ZFX: variants seen among roughly 807,000 people sequenced by gnomAD.
ZFX encodes zinc finger X-chromosomal protein.
For synonymous variants in ZFX, 196 were observed against 226.8 expected, an observed-to-expected ratio of 0.86 and a Z score of 1.22; for missense variants, 362 against 628.3, an observed-to-expected ratio of 0.58 and a Z score of 4.53.
intron 3 of ZFX, among the ~76,000 whole-genome samples, chrX:24,168,965 A>G (rs1180477585): frequency 9.0e-6 from 1 of 110,710 alleles, no homozygotes; most frequent in Non-Finnish European, 1.9e-5. Flanking sequence ...AGGCATGGAC[A>G]CCGCCAGTTA....
intron 5 of ZFX, among the ~76,000 whole-genome samples, 180 bp downstream of exon 5, chrX:24,179,950 G>C (rs769619359): frequency 9.0e-6 from 1 of 111,687 alleles, no homozygotes; most frequent in Non-Finnish European, 1.9e-5. Context: ...AAGTGAGGCC[G>C]GGTGTGGTGG....
chrX:24,172,150 A>AG (rs1388472857), intron 3 of ZFX, among the ~76,000 whole-genome samples: 28 of 112,160 alleles, frequency 2.5e-4, no homozygotes, highest in African/African-American at 8.4e-4. Flanking sequence ...CAGAATCCCA[A>AG]GGGTTGTTTA....
At chrX:24,154,479 T>C (rs1354290510) in intron 3 of ZFX, among the ~76,000 whole-genome samples, 1 of 112,424 alleles carries the variant, frequency 8.9e-6, no homozygotes, top group East Asian at 2.8e-4. Context: ...GTAATGTGTT[T>C]AGTCCAGCAG....
At chrX:24,199,765 A>C (rs1482304975) in intron 5 of ZFX, among the ~76,000 whole-genome samples, 1 of 109,831 alleles carries the variant, frequency 9.1e-6, no homozygotes, top group African/African-American at 3.3e-5. Flanking sequence ...TAAAAATACA[A>C]AATTAGCCAG....
At position 24,214,978 on chromosome X, in the gene ZFX, CAAA is replaced by C. The variant is rs1938362353; in HGVS notation, c.*3604_*3606del. ...CGGCAGTTAAGTAAATGTCAGGAGT[CAAA>C]AGAGATAGAGTTGTGCCATCTTTGA... On this transcript the variant is annotated 3_prime_UTR_variant, in exon 10 of 10. Transcript: ENST00000304543. The C allele has an allele frequency of 5.4e-5, 6 of 110,136 alleles. No homozygotes were observed. Among genetic ancestry groups the C allele is most frequent in the Non-Finnish European group, 9.4e-5 (5 of 53,145 alleles). The allele number at this position is 110,136 out of a possible 1,213,427, so 9.1% of individuals were successfully genotyped here.
At chrX:24,206,530 TG>T in intron 5 of ZFX, among the ~76,000 whole-genome samples, 1 of 97,699 alleles carries the variant, frequency 1.0e-5, no homozygotes, top group African/African-American at 4.0e-5. Flanking sequence ...TGTGTGTGTG[TG>T]TGTGTGTGTG....
intron 3 of ZFX, among the ~76,000 whole-genome samples, chrX:24,163,364 GTTTTTTTTT>G (rs66467960): frequency 3.7e-4 from 7 of 19,056 alleles, no homozygotes; most frequent in East Asian, 1.8e-3. Context: ...TTTTTGTTAG[GTTTTTTTTT>G]TTTTTTTTTT....
Position 24,212,771 on chromosome X carries a change from A to AACTT in ZFX, c.*1397_*1400dup, listed in dbSNP as rs1938185278. 8.9e-6 allele frequency: 1 copy of AACTT among 112,848 alleles called. No homozygotes were observed. The allele number at this position is 112,848 out of a possible 1,213,427, so 9.3% of individuals were successfully genotyped here. On this transcript the variant is annotated 3_prime_UTR_variant, in exon 10 of 10. Coordinates refer to ENST00000304543, the MANE Select transcript of ZFX (RefSeq NM_003410.4). ...TCAGTTACAGTTAGCAAACTTTAAAAACTTAACACTCAAGTTGGCTTTGAT... is the reference window on the plus strand; with the variant it reads ...TCAGTTACAGTTAGCAAACTTTAAAAACTTACTTAACACTCAAGTTGGCTTTGAT...
rs772352517 is a variant in ZFX, at chrX:24,179,424, A to G, written c.300A>G (p.Ser100=). 4.1e-6 allele frequency: 5 copies of G among 1,211,159 alleles called. No homozygotes were observed. Among genetic ancestry groups the G allele is most frequent in the Admixed American group, 2.2e-5 (1 of 45,842 alleles). The stretch of plus-strand genomic sequence containing the variant: ...TCATTCCTGAGCAAGTGCTGGACTC[A>G]GATGTAACTGAAGAAGTTTCTTTAG... The part of the protein sequence containing the change: ...TVIIPEQVLD[S]DVTEEVSLAH... Residue 100 remains serine, a synonymous_variant, in exon 5 of 10, where the codon TCA becomes TCG. Transcript: ENST00000304543.
intron 5 of ZFX, among the ~76,000 whole-genome samples, chrX:24,193,244 A>G (rs987891265): frequency 8.9e-6 from 1 of 112,679 alleles, no homozygotes; most frequent in Non-Finnish European, 1.9e-5. Flanking sequence ...ACAATGGGAT[A>G]TCATTCAGTC....
At chrX:24,169,372 G>A (rs1934340800) in intron 3 of ZFX, among the ~76,000 whole-genome samples, 1 of 111,025 alleles carries the variant, frequency 9.0e-6, no homozygotes, top group Admixed American at 9.7e-5. Flanking sequence ...GAAGTGTTCA[G>A]AGCAGGGAAG....
chrX:24,182,643 G>A (rs1034241861), intron 5 of ZFX, among the ~76,000 whole-genome samples: 5 of 111,666 alleles, frequency 4.5e-5, no homozygotes, highest in African/African-American at 1.6e-4. Context: ...TGGAAGTAGA[G>A]TTAGGTGAAG....
In ZFX at chrX:24,215,438, C is replaced by T. The variant is rs1938400728; in HGVS notation, c.*4062C>T. The T allele has an allele frequency of 9.0e-6, 1 of 111,420 alleles. No homozygotes were observed. The highest frequency in any genetic ancestry group is 1.9e-5 in the Non-Finnish European group (1 of 53,108). 9.2% of individuals were successfully genotyped at this position (111,420 alleles called of 1,213,427 possible). On this transcript the variant is annotated 3_prime_UTR_variant, in exon 10 of 10. Transcript: ENST00000304543. ...TTGTTAAAAATGCAAATTCTCAGCC[C>T]CACCCTAGTCCTACTGAATTGGGAA...
At chrX:24,200,142 T>G (rs1321204865) in intron 5 of ZFX, among the ~76,000 whole-genome samples, 1 of 110,986 alleles carries the variant, frequency 9.0e-6, no homozygotes, top group Non-Finnish European at 1.9e-5. Context: ...GGTAGGTGGA[T>G]TAGATGTGCT....
At chrX:24,190,174 G>A (rs1273461447) in intron 5 of ZFX, among the ~76,000 whole-genome samples, 1 of 111,682 alleles carries the variant, frequency 9.0e-6, no homozygotes, top group African/African-American at 3.3e-5. Context: ...GAATGGCTAA[G>A]TGAAGCTAAT....
chrX:24,209,839 C>T (rs913419515), intron 9 of ZFX, among the ~76,000 whole-genome samples: 29 of 111,932 alleles, frequency 2.6e-4, no homozygotes, highest in African/African-American at 8.4e-4. Flanking sequence ...CCTCGGCTTC[C>T]GAAAGTGCTG....
chrX:24,190,703 AGAGG>A (rs1936469644), intron 5 of ZFX, among the ~76,000 whole-genome samples: 1 of 111,758 alleles, frequency 8.9e-6, no homozygotes, highest in African/African-American at 3.2e-5. Flanking sequence ...AGAAAAGGAG[AGAGG>A]GAGAGAGAGA....
intron 3 of ZFX, among the ~76,000 whole-genome samples, chrX:24,168,797 A>C (rs769900074): frequency 1.5e-4 from 16 of 107,492 alleles, no homozygotes; most frequent in Middle Eastern, 4.4e-3. Flanking sequence ...ACTGAGTTTG[A>C]GGTGTTAGTA....
At chrX:24,179,975 C>G (rs1191951704) in intron 5 of ZFX, among the ~76,000 whole-genome samples, 1 of 111,332 alleles carries the variant, frequency 9.0e-6, no homozygotes, top group African/African-American at 3.3e-5. Flanking sequence ...TGCCTGTAGT[C>G]CGGGCACTTT....
Sources: allele counts gnomAD v4.1 joint callset (sites outside exome capture counted in the v4.1 genomes callset), GRCh38; gene constraint gnomAD v4.1.1; transcripts MANE v1.5; gene names NCBI Gene and HGNC (gene_info 2026-07-23, HGNC 2026-07-21).